IDE: variants seen among roughly 807,000 people sequenced by gnomAD.
IDE encodes the protein insulin degrading enzyme.
Under a neutral mutation model 133.2 loss-of-function variants are expected in IDE, and 58 were observed. The observed-to-expected ratio is 0.44, with a 90% CI of 0.35 to 0.54. The LOEUF is 0.54. IDE is among the 20% of genes least tolerant of loss of function. The pLI is 0.00. For missense variants in IDE, 981 were observed against 1,234.0 expected (o/e 0.79, Z 3.07); for synonymous variants, 396 against 421.3 (o/e 0.94, Z 0.73).
chr10:92,550,771 G>A (rs1006945696), intron 1 of IDE, among the ~76,000 whole-genome samples: 5 of 152,148 alleles, frequency 3.3e-5, no homozygotes, highest in Non-Finnish European at 5.9e-5. Context: ...TCAGGAGGCT[G>A]AGGCAGGAGA....
chr10:92,455,429 TG>T (rs374599259), intron 24 of IDE, 146 bp downstream of exon 24: 21 of 602,258 alleles, frequency 3.5e-5, no homozygotes, highest in Middle Eastern at 9.3e-4. Flanking sequence ...TGAGCTGAGC[TG>T]AGATCGCACC....
At chr10:92,572,623 G>A (rs1015229656) in intron 1 of IDE, among the ~76,000 whole-genome samples, 1 of 152,054 alleles carries the variant, frequency 6.6e-6, no homozygotes, top group African/African-American at 2.4e-5. Context: ...TACCTACTAC[G>A]CATTGGGAAA....
intron 4 of IDE, among the ~76,000 whole-genome samples, chr10:92,528,053 T>G (rs1319800949): frequency 6.6e-6 from 1 of 152,216 alleles, no homozygotes; most frequent in African/African-American, 2.4e-5. Context: ...TAATGACTGA[T>G]CTGAAGATTT....
At chr10:92,466,884 C>T (rs551157500) in intron 19 of IDE, among the ~76,000 whole-genome samples, 9 of 152,164 alleles carry the variant, frequency 5.9e-5, no homozygotes, top group African/African-American at 2.2e-4. Context: ...TCCCAAAGTG[C>T]TGGGATTACA....
chr10:92,466,893 C>T (rs1359150734), intron 19 of IDE, among the ~76,000 whole-genome samples: 1 of 151,460 alleles, frequency 6.6e-6, no homozygotes, highest in Non-Finnish European at 1.5e-5. Context: ...GCTGGGATTA[C>T]AGGTGTGAGC....
intron 21 of IDE, 121 bp downstream of exon 21, chr10:92,463,610 C>A (rs576473846): frequency 3.7e-5 from 32 of 875,994 alleles, no homozygotes; most frequent in South Asian, 3.2e-4. Context: ...GCCATCCCCC[C>A]ACCCCAACTC....
intron 1 of IDE, among the ~76,000 whole-genome samples, chr10:92,547,412 G>T (rs1476427055): frequency 6.6e-6 from 1 of 152,012 alleles, no homozygotes; most frequent in Non-Finnish European, 1.5e-5. Context: ...TCAAATCACA[G>T]GCTGGGAAGA....
chr10:92,550,722 T>C (rs1842741661), intron 1 of IDE, among the ~76,000 whole-genome samples: 1 of 149,710 alleles, frequency 6.7e-6, no homozygotes, highest in African/African-American at 2.5e-5. Context: ...ATATAAAAAT[T>C]AGCTGGGCGT....
At chr10:92,511,199 T>G (rs1444588699) in intron 5 of IDE, among the ~76,000 whole-genome samples, 2 of 151,322 alleles carry the variant, frequency 1.3e-5, no homozygotes, top group Non-Finnish European at 2.9e-5. Flanking sequence ...CCTCCCAGGT[T>G]CAAGTGATTC....
At chr10:92,510,739 A>AATATAGCACATACATCTCACATATATGAT (rs1564635458) in intron 5 of IDE, among the ~76,000 whole-genome samples, 7 of 147,286 alleles carry the variant, frequency 4.8e-5, no homozygotes, top group African/African-American at 1.5e-4. Context: ...ACATGTATGA[A>AATATAGCACATACATCTCACATATATGAT]ATATAGCACA....
At chr10:92,455,442 C>A (rs1398802370) in intron 24 of IDE, 134 bp downstream of exon 24, 3 of 632,154 alleles carry the variant, frequency 4.7e-6, no homozygotes, top group Non-Finnish European at 8.6e-6. Flanking sequence ...GATCGCACCA[C>A]TGCACTCCAG....
chr10:92,567,358 T>A (rs940680878), intron 1 of IDE, among the ~76,000 whole-genome samples: 1 of 152,214 alleles, frequency 6.6e-6, no homozygotes, highest in Non-Finnish European at 1.5e-5. Context: ...CTCAGGCTTC[T>A]CTGACTCCCA....
rs769153466 is a variant in IDE, at chr10:92,455,623, G to C, written c.2917C>G (p.Pro973Ala). ...GACAAATTTATGTCATTTTGACATG[G>C]GAACTCTCCAACAACAGGACCTATA... The part of the protein sequence containing the change: ...MDSCPVVGEF[P>A]CQNDINLSQA... The change falls in exon 24 of 25, where the codon CCA becomes GCA. Residue 973 changes from proline (P) to alanine (A), a missense_variant. This residue lies in a region of IDE where 660 missense variants were observed against 894.7 expected (regional missense o/e 0.74). Transcript: ENST00000265986. The C allele has an allele frequency of 2.5e-6, 4 of 1,597,390 alleles. No homozygotes were observed. Among genetic ancestry groups the C allele is most frequent in the Non-Finnish European group, 3.4e-6 (4 of 1,165,006 alleles).
intron 7 of IDE, among the ~76,000 whole-genome samples, 169 bp downstream of exon 7, chr10:92,508,559 G>T (rs72809190): frequency 1.5e-5 from 2 of 130,576 alleles, no homozygotes; most frequent in African/African-American, 5.8e-5. Flanking sequence ...ATCTAAAAAA[G>T]AAAAAAAAAA....
Position 92,480,949 on chromosome 10 carries a change from G to A in IDE, c.1740-1528C>T, listed in dbSNP as rs1846567866. On this transcript the variant is annotated intron_variant, in intron 14 of 24. Transcript: ENST00000265986. Reference sequence around the variant, plus strand: ...AAAAGCAAAAATAGGGATAAAATGTGTAGTCACTTAGAGAATTAAAATCAA... The same window carrying A: ...AAAAGCAAAAATAGGGATAAAATGTATAGTCACTTAGAGAATTAAAATCAA... The A allele has an allele frequency of 3.2e-6, 3 of 941,650 alleles. No homozygotes were observed. The South Asian group carries it at 1.5e-4, about 46-fold the overall frequency. The allele number at this position is 941,650 out of a possible 1,614,324, so 58.3% of individuals were successfully genotyped here.
At chr10:92,458,052 A>G (rs1343615698) in intron 22 of IDE, among the ~76,000 whole-genome samples, 3 of 152,134 alleles carry the variant, frequency 2.0e-5, no homozygotes, top group Non-Finnish European at 2.9e-5. Context: ...TTGTCTACCC[A>G]CATCAGCAGA....
intron 1 of IDE, among the ~76,000 whole-genome samples, chr10:92,539,980 G>A (rs1225134842): frequency 6.6e-6 from 1 of 152,100 alleles, no homozygotes; most frequent in Non-Finnish European, 1.5e-5. Flanking sequence ...AGTGACTCAC[G>A]CCTGTAATCC....
intron 11 of IDE, among the ~76,000 whole-genome samples, chr10:92,493,180 T>G (rs77479858): frequency 0.019 from 2,939 of 152,240 alleles, 44 homozygotes; most frequent in Admixed American, 0.052. Context: ...ACAGAAATCA[T>G]ATAGCTATAT....
intron 20 of IDE, among the ~76,000 whole-genome samples, chr10:92,465,460 T>G (rs773303572): frequency 1.3e-5 from 2 of 152,190 alleles, no homozygotes; most frequent in South Asian, 2.1e-4. Context: ...ATGTATGTAA[T>G]ATGCAGTATC....
Sources: allele counts gnomAD v4.1 joint callset (sites outside exome capture counted in the v4.1 genomes callset), GRCh38; gene constraint gnomAD v4.1.1; regional missense constraint gnomAD v4.1.1; transcripts MANE v1.5; gene names NCBI Gene and HGNC (gene_info 2026-07-23, HGNC 2026-07-21).